ARHGAP26: variants seen among roughly 807,000 people sequenced by gnomAD.
ARHGAP26 encodes Rho GTPase activating protein 26.
ARHGAP26 carries 38 observed loss-of-function variants against 104.8 expected under a neutral mutation model. That is an observed-to-expected ratio of 0.36 (90% CI 0.28 to 0.48). ARHGAP26 has a LOEUF of 0.48. Among genes scored for constraint, ARHGAP26 ranks in the 20% least tolerant of loss-of-function variants. The pLI is 0.99. For missense variants in ARHGAP26, 704 were observed against 947.9 expected (o/e 0.74, Z 3.38); for synonymous variants, 341 against 340.0 (o/e 1.00, Z -0.03).
chr5:142,816,479 G>T (rs1379473894), intron 1 of ARHGAP26, among the ~76,000 whole-genome samples: 2 of 152,236 alleles, frequency 1.3e-5, no homozygotes, highest in Admixed American at 6.5e-5. Flanking sequence ...TTCACAGGAG[G>T]ATAGTCACTC....
intron 8 of ARHGAP26, 63 bp downstream of exon 8, chr5:142,903,732 A>T: frequency 3.2e-6 from 5 of 1,569,138 alleles, no homozygotes; most frequent in Non-Finnish European, 4.3e-6. Flanking sequence ...AAGGTGGAGG[A>T]TGTATTCAGC....
chr5:142,965,012 T>C (rs1054274907), intron 11 of ARHGAP26, among the ~76,000 whole-genome samples: 3 of 152,176 alleles, frequency 2.0e-5, no homozygotes, highest in African/African-American at 7.2e-5. Context: ...GGTAAGGTCA[T>C]GTGGGTCACA....
chr5:142,957,296 T>G (rs1359744033), intron 11 of ARHGAP26, among the ~76,000 whole-genome samples: 2 of 152,152 alleles, frequency 1.3e-5, no homozygotes, highest in Non-Finnish European at 2.9e-5. Flanking sequence ...GTAGAAAAAA[T>G]TGTATCTCTC....
chr5:142,921,386 A>G (rs963577137), intron 10 of ARHGAP26: 2 of 164,140 alleles, frequency 1.2e-5, no homozygotes, highest in African/African-American at 2.4e-5. Flanking sequence ...TTTTATGGTG[A>G]CGTAATTTTG....
chr5:142,901,097 C>T lies in ARHGAP26; in HGVS notation c.598-838C>T, dbSNP rs1031786951. Among the ~76,000 whole-genome samples the T allele has an allele frequency of 3.9e-5, 6 of 152,110 alleles. No homozygotes were observed. In the East Asian group the frequency reaches 5.8e-4, roughly 15 times the overall value. ...AACAGTGAGGTTTGGATGTAAGCTC[C>T]GAGAGGAAAGACCACAGGAATGCTG... is the stretch of plus-strand genomic sequence containing the variant. On this transcript the variant is annotated intron_variant, in intron 6 of 22. Transcript: ENST00000645722.
chr5:142,809,935 T>C (rs1014154962), intron 1 of ARHGAP26, among the ~76,000 whole-genome samples: 2 of 152,214 alleles, frequency 1.3e-5, no homozygotes, highest in African/African-American at 4.8e-5. Context: ...TGGTGCAGGT[T>C]TTAGTATCAT....
At chr5:143,084,657 C>G (rs939972405) in intron 17 of ARHGAP26, among the ~76,000 whole-genome samples, 6 of 152,220 alleles carry the variant, frequency 3.9e-5, no homozygotes, top group Non-Finnish European at 5.9e-5. Context: ...TGTCTCCACT[C>G]CATGCCAAAG....
At chr5:143,194,986 A>C (rs1806587393) in intron 20 of ARHGAP26, among the ~76,000 whole-genome samples, 2 of 152,190 alleles carry the variant, frequency 1.3e-5, no homozygotes, top group African/African-American at 4.8e-5. Flanking sequence ...AGTAGAGAAG[A>C]AGCTTGAACA....
Position 143,222,679 on chromosome 5 carries a change from A to G in ARHGAP26, c.*233A>G, listed in dbSNP as rs1811351503. 1 of 374,120 alleles carries G rather than the reference A, an allele frequency of 2.7e-6. No homozygotes were observed. Among genetic ancestry groups the G allele is most frequent in the Non-Finnish European group, 4.8e-6 (1 of 207,748 alleles). The allele number at this position is 374,120 out of a possible 1,614,324, so 23.2% of individuals were successfully genotyped here. A position where few individuals can be genotyped will look rare whatever the true frequency, so the allele number is the denominator to read the frequency against. ...GTCAATCAGCAGAGGAGAGCATTTG[A>G]TAACTAAGAGGAAGACTTGCAAAGC... is the stretch of plus-strand genomic sequence containing the variant. On this transcript the variant is annotated 3_prime_UTR_variant, in exon 23 of 23. Transcript: ENST00000645722.
At chr5:143,038,887 G>C (rs1025183685) in intron 13 of ARHGAP26, among the ~76,000 whole-genome samples, 1 of 151,454 alleles carries the variant, frequency 6.6e-6, no homozygotes, top group African/African-American at 2.4e-5. Context: ...ATAGAGATGG[G>C]GTTTCACCAT....
At chr5:142,792,347 G>A (rs573417064) in intron 1 of ARHGAP26, among the ~76,000 whole-genome samples, 1 of 152,202 alleles carries the variant, frequency 6.6e-6, no homozygotes, top group Non-Finnish European at 1.5e-5. Flanking sequence ...GGCTTGCTAA[G>A]TAAAATTTAA....
At position 142,929,473 on chromosome 5, in the gene ARHGAP26, G is replaced by T. The variant is rs80142346; in HGVS notation, c.1029-2574G>T. On this transcript the variant is annotated intron_variant, in intron 10 of 22. Coordinates refer to ENST00000645722, the MANE Select transcript of ARHGAP26 (RefSeq NM_001135608.3). ...GACATAAGGAAGGTAAATATGGAAA[G>T]AAAGTTATTGTTTTACTCCAGAATA... 8.4e-4 allele frequency among the ~76,000 whole-genome samples: 128 copies of T among 152,252 alleles called. No individual in the cohort carries two copies. In the East Asian group the frequency reaches 0.023, roughly 27 times the overall value.
At chr5:143,214,204 G>A in intron 22 of ARHGAP26, 116 bp downstream of exon 22, 2 of 672,376 alleles carry the variant, frequency 3.0e-6, no homozygotes, top group Admixed American at 2.5e-5. Context: ...CAATGGGTAA[G>A]AAAAAAAGTG....
chr5:142,939,451 T>C (rs78270006), intron 11 of ARHGAP26, among the ~76,000 whole-genome samples: 3,914 of 152,324 alleles, frequency 0.026, 165 homozygotes, highest in African/African-American at 0.089. Flanking sequence ...TTGTGGACTT[T>C]GGGGCTGAAC....
intron 1 of ARHGAP26, among the ~76,000 whole-genome samples, chr5:142,830,125 G>T (rs114125012): frequency 1.3e-5 from 2 of 152,212 alleles, no homozygotes; most frequent in Non-Finnish European, 2.9e-5. Flanking sequence ...AACATAGCAC[G>T]TGGGGATGTT....
chr5:142,977,737 G>A (rs1475590202), intron 11 of ARHGAP26, among the ~76,000 whole-genome samples: 1 of 152,206 alleles, frequency 6.6e-6, no homozygotes, highest in Non-Finnish European at 1.5e-5. Context: ...ATTTCACACT[G>A]CCTCCCCAAA....
At chr5:143,142,940 T>TG (rs1189217565) in intron 19 of ARHGAP26, among the ~76,000 whole-genome samples, 13 of 152,160 alleles carry the variant, frequency 8.5e-5, no homozygotes, top group African/African-American at 3.1e-4. Flanking sequence ...CCTATTTTTT[T>TG]TAATATAAAT....
At chr5:142,875,197 TCCCAG>T (rs1484165277) in intron 3 of ARHGAP26, 26 bp downstream of exon 3, 1 of 1,610,270 alleles carries the variant, frequency 6.2e-7, no homozygotes, top group African/African-American at 1.3e-5. Flanking sequence ...CTACTCTTGG[TCCCAG>T]ATAGTATATT....
At chr5:142,964,897 A>G (rs930996474) in intron 11 of ARHGAP26, among the ~76,000 whole-genome samples, 15 of 152,162 alleles carry the variant, frequency 9.9e-5, no homozygotes, top group African/African-American at 3.1e-4. Context: ...CACTACCACC[A>G]ATGCGCGGAG....
Sources: allele counts gnomAD v4.1 joint callset (sites outside exome capture counted in the v4.1 genomes callset), GRCh38; gene constraint gnomAD v4.1.1; transcripts MANE v1.5; gene names NCBI Gene and HGNC (gene_info 2026-07-23, HGNC 2026-07-21).